The following CEP290 variants were observed in gnomAD, a reference collection of about 807,000 sequenced individuals.
The protein encoded by CEP290 is centrosomal protein of 290 kDa.
Under a neutral mutation model 344.9 loss-of-function variants are expected in CEP290, and 317 were observed. The observed-to-expected ratio is 0.92, with a 90% confidence interval of 0.84 to 1.01. CEP290 has a LOEUF of 1.01. CEP290 is among the 50% of genes least tolerant of loss of function. The probability of loss-of-function intolerance (pLI) is 0.00; values close to 1 mark genes in which losing one functional copy is unlikely to be tolerated. For synonymous variants in CEP290, 932 were observed against 895.8 expected (o/e 1.04, Z -0.72); for missense variants, 2,754 against 2,761.4 (o/e 1.00, Z 0.06).
rs562747993 is a variant in CEP290 at position 88,136,752 on chromosome 12, C to T, written c.332G>A (p.Arg111Gln). 36 of 1,613,582 alleles carry T rather than the reference C, an allele frequency of 2.2e-5. 1 individual carries two copies. In the South Asian group the frequency reaches 3.0e-4, roughly 13 times the overall value. Residue 111 changes from arginine (R) to glutamine (Q), a missense_variant, in exon 6 of 54, where the codon CGG (arginine) becomes CAG (glutamine). Coordinates refer to ENST00000552810, the MANE Select transcript of CEP290 (RefSeq NM_025114.4). Reference protein sequence around the residue: ...AQQSAGGRDTRFLRNEICQLE... With the variant: ...AQQSAGGRDTQFLRNEICQLE... ...TTGGCAAATTTCATTACGTAAAAAC[C>T]GAGTATCTCGTCCACCTGCAGACTG... is the stretch of plus-strand genomic sequence containing the variant.
At chr12:88,092,961 T>C (rs376564816) in intron 28 of CEP290, 129 bp from the exon 29 acceptor site, 7 of 783,084 alleles carry the variant, frequency 8.9e-6, no homozygotes, top group African/African-American at 3.6e-5. Flanking sequence ...AAGTGTGAAG[T>C]GTTAAGAACA....
At position 88,092,771 on chromosome 12, in the gene CEP290, T is replaced by C; in HGVS notation, c.3371A>G (p.Asp1124Gly). Reference protein sequence around the residue: ...VEQMLRDELADSVSKAVSDAD... With the variant: ...VEQMLRDELAGSVSKAVSDAD... ...ATCACTTACTGCCTTGCTCACACTA[T>C]CAGCTAATTCATCTCTTAACATCTG... The change falls in exon 29 of 54, where the codon GAT becomes GGT. Residue 1124 changes from aspartate to glycine, a missense_variant. Asp to Gly is a moderately conservative substitution (Grantham distance 94). Transcript: ENST00000552810. 6.2e-7 allele frequency: 1 copy of C among 1,611,292 alleles called. No homozygotes were observed. Among genetic ancestry groups the C allele is most frequent in the Non-Finnish European group, 8.5e-7 (1 of 1,178,790 alleles).
chr12:88,050,315 GTT>G lies in CEP290; in HGVS notation c.7209+37_7209+38del, dbSNP rs757271766. The G allele has an allele frequency of 7.1e-5, 74 of 1,040,304 alleles. 1 individual carries two copies. The highest frequency in any genetic ancestry group is 5.8e-4 in the Admixed American group (28 of 47,884). 64.4% of individuals were successfully genotyped at this position (1,040,304 alleles called of 1,614,324 possible). A position where few individuals can be genotyped will look rare whatever the true frequency, so the allele number is the denominator to read the frequency against. The stretch of plus-strand genomic sequence containing the variant: ...GTAATGAAAATAGTTTTCAACAGCT[GTT>G]TTCACAAAACGATACTAAAATATAA... On this transcript the variant is annotated intron_variant, in intron 53 of 53. Transcript: ENST00000552810.
At chr12:88,063,071 T>G (rs1159450248) in intron 45 of CEP290, among the ~76,000 whole-genome samples, 2 of 145,700 alleles carry the variant, frequency 1.4e-5, no homozygotes, top group East Asian at 4.0e-4. Flanking sequence ...TACCCAAATA[T>G]ACACAGCAAA....
chr12:88,136,170 C>A (rs2040344089), intron 6 of CEP290: 1 of 156,486 alleles, frequency 6.4e-6, no homozygotes, highest in African/African-American at 2.4e-5. Context: ...ATATATATAT[C>A]TCACATAAAA....
chr12:88,084,033 T>C, intron 35 of CEP290, 79 bp from the exon 36 acceptor site: 1 of 854,222 alleles, frequency 1.2e-6, no homozygotes, highest in Non-Finnish European at 1.8e-6. Context: ...ATATATTTTC[T>C]CTTCAATCTT....
chr12:88,088,564 A>G (rs534126788), intron 31 of CEP290, among the ~76,000 whole-genome samples: 104 of 152,352 alleles, frequency 6.8e-4, no homozygotes, highest in African/African-American at 2.5e-3. Context: ...ATTTTTACGT[A>G]TAATAGACAT....
rs2136957996 is a variant in CEP290, at chr12:88,071,432, A to G, written c.5873T>C (p.Leu1958Pro). ...DLFAKADKEK[L>P]TLQRKLKTTG... is the part of the protein sequence containing the mutation. ...TGTTTTTAGTTTCCTCTGCAAAGTA[A>G]GTTTCTCTTTATCGGCTCTGTGGAA... Residue 1958 changes from leucine to proline, a missense_variant, in exon 43 of 54, where the codon CTT (leucine) becomes CCT (proline). Leu to Pro is a moderately conservative substitution (Grantham distance 98). Coordinates refer to ENST00000552810, the MANE Select transcript of CEP290 (RefSeq NM_025114.4). The G allele has an allele frequency of 6.2e-7, 1 of 1,608,166 alleles. No homozygotes were observed. Among genetic ancestry groups the G allele is most frequent in the South Asian group, 1.1e-5 (1 of 89,206 alleles).
chr12:88,137,438 C>A (rs1280245454), intron 5 of CEP290, among the ~76,000 whole-genome samples: 1 of 152,178 alleles, frequency 6.6e-6, no homozygotes, highest in Non-Finnish European at 1.5e-5. Context: ...CCGATTAAAT[C>A]CATTTTACCT....
At chr12:88,133,072 G>GTTTT (rs778943616) in intron 6 of CEP290, among the ~76,000 whole-genome samples, 1 of 129,032 alleles carries the variant, frequency 7.8e-6, no homozygotes, top group Non-Finnish European at 1.7e-5. Context: ...TCTTGTTCCG[G>GTTTT]TTTTTTTTTT....
At chr12:88,058,653 A>G in intron 49 of CEP290, 195 bp downstream of exon 49, 1 of 627,694 alleles carries the variant, frequency 1.6e-6, no homozygotes, top group Non-Finnish European at 2.7e-6. Flanking sequence ...AAACAAGGTT[A>G]AACAAGTTAA....
chr12:88,117,462 C>A (rs781330818), intron 17 of CEP290, among the ~76,000 whole-genome samples: 3 of 152,112 alleles, frequency 2.0e-5, no homozygotes, highest in Non-Finnish European at 4.4e-5. Flanking sequence ...AATGAGTAAA[C>A]TGATTATTGT....
rs1467799663 is a variant in CEP290 at position 88,111,753 on chromosome 12, T to C, written c.2158A>G (p.Arg720Gly). 6.2e-7 allele frequency: 1 copy of C among 1,605,120 alleles called. No homozygotes were observed. The highest frequency in any genetic ancestry group is 2.3e-5 in the East Asian group (1 of 44,136). ...GRNEELRQEL[R>G]ESRKEAINYS... ...TTTATAGCCTCTTTCCGAGATTCCC[T>C]GAGCTCCTGTCTTAATTCTTCATTT... Residue 720 changes from arginine (R) to glycine (G), a missense_variant, in exon 21 of 54, where the codon AGG becomes GGG. Physicochemically the swap from Arg to Gly is moderately radical, Grantham distance 125. Transcript: ENST00000552810.
intron 27 of CEP290, among the ~76,000 whole-genome samples, chr12:88,095,623 A>G (rs1057030599): frequency 3.3e-5 from 5 of 152,212 alleles, no homozygotes; most frequent in Non-Finnish European, 5.9e-5. Flanking sequence ...TACATTTCTA[A>G]AAGTAGCTTA....
chr12:88,101,564 A>G (rs893091949), intron 26 of CEP290, among the ~76,000 whole-genome samples: 2 of 151,332 alleles, frequency 1.3e-5, no homozygotes, highest in Admixed American at 6.6e-5. Context: ...GAGGCAGGAG[A>G]ACTGCTTGAA....
intron 23 of CEP290, among the ~76,000 whole-genome samples, chr12:88,107,381 TA>T (rs2038362162): frequency 6.6e-6 from 1 of 152,056 alleles, no homozygotes; most frequent in Non-Finnish European, 1.5e-5. Flanking sequence ...CTGAATCTTA[TA>T]AACATTTTAT....
In CEP290 at chr12:88,140,955, C is replaced by T. The variant is rs758593134; in HGVS notation, c.180+1G>A. On this transcript the variant is annotated splice_donor_variant, in intron 3 of 53. Coordinates refer to ENST00000552810, the MANE Select transcript of CEP290 (RefSeq NM_025114.4). LOFTEE classifies it high-confidence loss of function. ...ATAGTTAAAACCTACTACATACAAA[C>T]CTTCATTAGTGACTGAGTAATTCTG... The T allele has an allele frequency of 3.8e-6, 6 of 1,578,620 alleles. No homozygotes were observed. The highest frequency in any genetic ancestry group is 5.1e-6 in the Non-Finnish European group (6 of 1,165,768).
At chr12:88,081,065 T>C (rs1031203667) in intron 37 of CEP290, among the ~76,000 whole-genome samples, 1 of 152,188 alleles carries the variant, frequency 6.6e-6, no homozygotes, top group African/African-American at 2.4e-5. Context: ...ACCATACTAC[T>C]AGTAACATTT....
intron 40 of CEP290, 56 bp from the exon 41 acceptor site, chr12:88,077,400 C>A: frequency 8.6e-7 from 1 of 1,165,052 alleles, no homozygotes; most frequent in Non-Finnish European, 1.2e-6. Flanking sequence ...ACAAAATAGA[C>A]AGTAAATATT....
Sources: allele counts gnomAD v4.1 joint callset (sites outside exome capture counted in the v4.1 genomes callset), GRCh38; gene constraint gnomAD v4.1.1; transcripts MANE v1.5; gene names NCBI Gene and HGNC (gene_info 2026-07-23, HGNC 2026-07-21).